ABLIM2: variants seen among roughly 807,000 people sequenced by gnomAD.
ABLIM2 encodes the protein actin-binding LIM protein 2.
In ABLIM2, 53 loss-of-function variants were observed where a neutral mutation model predicts 97.7. That is an observed-to-expected ratio of 0.54 (90% confidence interval 0.44 to 0.68). ABLIM2 has a LOEUF of 0.68. ABLIM2 is among the 30% of genes least tolerant of loss of function. The pLI, the probability that ABLIM2 is intolerant of heterozygous loss-of-function variation, is 0.00. For missense variants in ABLIM2, 835 were observed against 867.2 expected (o/e 0.96, Z 0.47); for synonymous variants, 361 against 345.8 (o/e 1.04, Z -0.49).
rs377271680 is a variant in ABLIM2 at position 8,061,022 on chromosome 4, C to T, written c.708G>A (p.Ala236=). 9.7e-5 allele frequency: 155 copies of T among 1,598,506 alleles called. No individual in the cohort carries two copies. Among genetic ancestry groups the T allele is most frequent in the Non-Finnish European group, 1.2e-4 (141 of 1,172,568 alleles). Residue 236 remains alanine, a synonymous_variant, in exon 7 of 21, where the codon GCG becomes GCA. Coordinates refer to ENST00000447017, the MANE Select transcript of ABLIM2 (RefSeq NM_001130083.2). The surrounding 1 kb of genome is among the most constrained non-coding windows in gnomAD (Gnocchi z 4.5). The part of the protein sequence containing the change: ...AGEKHYHPSC[A]LCVRCGQMFA... ...ACATCTGGCCGCACCTGACACATAG[C>T]GCGCAGGAAGGGTGGTAGTGCTTCT...
Position 7,996,908 on chromosome 4 carries a change from A to C in ABLIM2, c.1619-3981T>G, listed in dbSNP as rs1246521436. 6.6e-6 allele frequency among the ~76,000 whole-genome samples: 1 copy of C among 151,408 alleles called. No individual in the cohort carries two copies. The highest frequency in any genetic ancestry group is 1.5e-5 in the Non-Finnish European group (1 of 67,866). On this transcript the variant is annotated intron_variant, in intron 16 of 20. Transcript: ENST00000447017. The surrounding 1 kb of genome is among the most constrained non-coding windows in gnomAD (Gnocchi z 4.5). ...TTTTTTCTCTCTGGTTGCTTTCAAC[A>C]TTTTTTTCTTTGTCCTTAATTTTCA... is the stretch of plus-strand genomic sequence containing the variant.
intron 5 of ABLIM2, among the ~76,000 whole-genome samples, chr4:8,079,051 TC>T (rs1818079908): frequency 2.0e-5 from 3 of 152,206 alleles, no homozygotes; most frequent in Non-Finnish European, 4.4e-5. Flanking sequence ...TGTTGCTAGG[TC>T]CCCAGGATGT....
In ABLIM2 at chr4:8,091,611, G is replaced by GTATAATTTTATATAAAATTATATA. The variant is rs1828362594; in HGVS notation, c.339-3351_339-3328dup. Among the ~76,000 whole-genome samples, 10 of 25,048 alleles carry GTATAATTTTATATAAAATTATATA rather than the reference G, an allele frequency of 4.0e-4. 3 individuals are homozygous for GTATAATTTTATATAAAATTATATA. The highest frequency in any genetic ancestry group is 1.1e-3 in the South Asian group (1 of 922). The allele number at this position is 25,048 out of a possible 152,430, so 16.4% of individuals were successfully genotyped here. ...TTATATATATAATTATATATATTATGTATAATTTTATATAAAATTATATAT... is the reference window on the plus strand; with the variant it reads ...TTATATATATAATTATATATATTATGTATAATTTTATATAAAATTATATATATAATTTTATATAAAATTATATAT... On this transcript the variant is annotated intron_variant, in intron 3 of 20. Transcript: ENST00000447017.
At position 8,046,667 on chromosome 4, in the gene ABLIM2, C is replaced by T. The variant is rs1278692364; in HGVS notation, c.823-1426G>A. Among the ~76,000 whole-genome samples, 1 of 152,218 alleles carries T rather than the reference C, an allele frequency of 6.6e-6. No individual in the cohort carries two copies. The highest frequency in any genetic ancestry group is 1.5e-5 in the Non-Finnish European group (1 of 68,044). On this transcript the variant is annotated intron_variant, in intron 8 of 20. Transcript: ENST00000447017. The surrounding 1 kb of genome is among the most constrained non-coding windows in gnomAD (Gnocchi z 4.4). ...CATCCATGCAGCGGTGCCTGCAGCC[C>T]AGGAGGCACCACAGTGGATGGGCTG...
intron 8 of ABLIM2, among the ~76,000 whole-genome samples, chr4:8,050,524 G>A (rs141593255): frequency 3.9e-5 from 6 of 152,320 alleles, no homozygotes; most frequent in East Asian, 3.9e-4. Flanking sequence ...GGCTAGGACC[G>A]GGAGTCATTT....
At position 8,068,088 on chromosome 4, in the gene ABLIM2, C is replaced by T. The variant is rs1198261877; in HGVS notation, c.676-7034G>A. 6.6e-6 allele frequency among the ~76,000 whole-genome samples: 1 copy of T among 151,436 alleles called. No individual in the cohort carries two copies. The highest frequency in any genetic ancestry group is 2.5e-5 in the African/African-American group (1 of 40,764). On this transcript the variant is annotated intron_variant, in intron 6 of 20. Transcript: ENST00000447017. This position sits in a 1 kb window ranked among gnomAD's most constrained non-coding sequence, Gnocchi z 4.5. ...TTCTCTCATAGTGACTGGGGCGTCCCAGTCATCGGTACAGTGGCCACATCC... is the reference window on the plus strand; with the variant it reads ...TTCTCTCATAGTGACTGGGGCGTCCTAGTCATCGGTACAGTGGCCACATCC...
chr4:8,099,672 C>T (rs558958612), intron 2 of ABLIM2, among the ~76,000 whole-genome samples: 178 of 152,196 alleles, frequency 1.2e-3, no homozygotes, highest in African/African-American at 3.9e-3. Context: ...GGTGAAACCC[C>T]GTCTCTACTA....
At chr4:8,012,307 T>TCACCCATCCATCCATCCATC (rs1765521479) in intron 14 of ABLIM2, among the ~76,000 whole-genome samples, 1 of 145,992 alleles carries the variant, frequency 6.8e-6, no homozygotes, top group African/African-American at 2.6e-5. Flanking sequence ...CACCCATCCT[T>TCACCCATCCATCCATCCATC]CACCCATCCA....
rs537885030 is a variant in ABLIM2 at position 8,040,133 on chromosome 4, C to T, written c.901-3838G>A. Among the ~76,000 whole-genome samples the T allele has an allele frequency of 3.9e-4, 59 of 152,198 alleles. 1 individual carries two copies. The highest frequency in any genetic ancestry group is 1.4e-3 in the African/African-American group (57 of 41,524). ...GCAGGGGGAGCCGGTCTCTTCCTCA[C>T]GGTGAAGGAAGGGGATGCTGCATTT... On this transcript the variant is annotated intron_variant, in intron 9 of 20. Transcript: ENST00000447017.
At chr4:8,091,912 GTTATAATATATAATGTATA>G (rs1255916088) in intron 3 of ABLIM2, among the ~76,000 whole-genome samples, 1 of 108,248 alleles carries the variant, frequency 9.2e-6, no homozygotes, top group Non-Finnish European at 1.7e-5. Context: ...ATAATATATT[GTTATAATATATAATGTATA>G]TTATAATATA....
intron 4 of ABLIM2, 37 bp from the exon 5 acceptor site, chr4:8,080,839 AT>A (rs1662000629): frequency 6.4e-7 from 1 of 1,574,096 alleles, no homozygotes; most frequent in African/African-American, 1.4e-5. Context: ...CACCCCCACC[AT>A]TGTGAGAGGT....
chr4:8,041,317 G>A (rs1466933212), intron 9 of ABLIM2: 2 of 152,310 alleles, frequency 1.3e-5, no homozygotes, highest in African/African-American at 4.8e-5. Context: ...TCGTGGCTGG[G>A]TCCCCAGGGC....
In ABLIM2 at chr4:8,015,932, C is replaced by T. The variant is rs1000001034; in HGVS notation, c.1423+3686G>A. On this transcript the variant is annotated intron_variant, in intron 14 of 20. Transcript: ENST00000447017. The surrounding 1 kb of genome is among the most constrained non-coding windows in gnomAD (Gnocchi z 4.6). ...TTTTCCTAAATTTTATATAGCAAAT[C>T]GATGATAAAATCACCACACTTCCTC... is the stretch of plus-strand genomic sequence containing the variant. Among the ~76,000 whole-genome samples the T allele has an allele frequency of 6.6e-6, 1 of 151,600 alleles. No individual in the cohort carries two copies. Among genetic ancestry groups the T allele is most frequent in the African/African-American group, 2.4e-5 (1 of 41,216 alleles).
At chr4:7,968,662 C>T (rs749031370) in intron 20 of ABLIM2, among the ~76,000 whole-genome samples, 7 of 152,082 alleles carry the variant, frequency 4.6e-5, no homozygotes, top group Admixed American at 2.6e-4. Flanking sequence ...GATTCGTGGT[C>T]GCCAGGGACT....
In ABLIM2 at chr4:7,982,637, G is replaced by A. The variant is rs112845457; in HGVS notation, c.1824+627C>T. Among the ~76,000 whole-genome samples the A allele has an allele frequency of 4.2e-3, 633 of 152,230 alleles. 2 individuals are homozygous for A. Among genetic ancestry groups the A allele is most frequent in the Non-Finnish European group, 7.2e-3 (493 of 68,018 alleles). On this transcript the variant is annotated intron_variant, in intron 20 of 20. Transcript: ENST00000447017. ...ATTTTAGATGGGTGTAAGTGTGGTCGGGTGGGAAGCTGGGGCAGTTTACTC... is the reference window on the plus strand; with the variant it reads ...ATTTTAGATGGGTGTAAGTGTGGTCAGGTGGGAAGCTGGGGCAGTTTACTC...
rs1008974362 is a variant in ABLIM2, at chr4:8,147,916, A to G, written c.10+10764T>C. On this transcript the variant is annotated intron_variant, in intron 1 of 20. Coordinates refer to ENST00000447017, the MANE Select transcript of ABLIM2 (RefSeq NM_001130083.2). This position sits in a 1 kb window ranked among gnomAD's most constrained non-coding sequence, Gnocchi z 5.3. ...TGAGCGAGGCACGGACCTGCACAAA[A>G]CCCTTTCTTTAATGGGTGAATCGCC... 5.3e-5 allele frequency among the ~76,000 whole-genome samples: 8 copies of G among 152,046 alleles called. No individual in the cohort carries two copies. The highest frequency in any genetic ancestry group is 1.4e-4 in the African/African-American group (6 of 41,396).
In ABLIM2 at chr4:8,033,546, C is replaced by T. The variant is rs557517634; in HGVS notation, c.1047+2603G>A. Among the ~76,000 whole-genome samples the T allele has an allele frequency of 3.9e-5, 6 of 152,328 alleles. No individual in the cohort carries two copies. Among genetic ancestry groups the T allele is most frequent in the Non-Finnish European group, 7.4e-5 (5 of 68,024 alleles). On this transcript the variant is annotated intron_variant, in intron 10 of 20. Transcript: ENST00000447017. The surrounding 1 kb of genome is among the most constrained non-coding windows in gnomAD (Gnocchi z 4.5). The stretch of plus-strand genomic sequence containing the variant: ...GCCCAGCCCTGTCCACCTGCCGAGG[C>T]AGGCCCCATGGGGTCGCACTTTATG...
chr4:8,000,461 G>A (rs570549247), intron 16 of ABLIM2, among the ~76,000 whole-genome samples: 21 of 152,264 alleles, frequency 1.4e-4, no homozygotes, highest in South Asian at 8.3e-4. Context: ...AGCAAGGGAC[G>A]GGCTGAGATT....
At chr4:7,989,347 G>A (rs1160701003) in intron 17 of ABLIM2, 9 of 947,436 alleles carry the variant, frequency 9.5e-6, no homozygotes, top group Non-Finnish European at 1.1e-5. Context: ...GCAGAGTGCT[G>A]GGATTATAGG....
Sources: allele counts gnomAD v4.1 joint callset (sites outside exome capture counted in the v4.1 genomes callset), GRCh38; gene constraint gnomAD v4.1.1; non-coding constraint Gnocchi (gnomAD v3.1); transcripts MANE v1.5; gene names NCBI Gene and HGNC (gene_info 2026-07-23, HGNC 2026-07-21).